Variants in C1orf185 observed in about 807,000 individuals in gnomAD.
C1orf185 encodes the protein uncharacterized protein C1orf185.
In C1orf185, 13 loss-of-function variants were observed where a neutral mutation model predicts 16.1. The ratio of observed to expected loss-of-function variants is 0.81; its 90% confidence interval spans 0.53 to 1.28. The LOEUF is 1.28. Among genes scored for constraint, C1orf185 ranks in the 50% most tolerant of loss-of-function variants. The pLI is 0.00. For missense variants in C1orf185, 220 were observed against 225.2 expected (o/e 0.98, Z 0.15); for synonymous variants, 80 against 76.9 (o/e 1.04, Z -0.21).
chr1:51,149,741 C>T (rs979848215), downstream of C1orf185, among the ~76,000 whole-genome samples: 1 of 152,060 alleles, frequency 6.6e-6, no homozygotes, highest in African/African-American at 2.4e-5. Flanking sequence ...CCAAAAACAC[C>T]AAATCTGCAG....
chr1:51,118,914 T>C (rs1646177954), intron 3 of C1orf185, 113 bp downstream of exon 3: 1 of 860,864 alleles, frequency 1.2e-6, no homozygotes, highest in South Asian at 4.0e-5. Flanking sequence ...ATTTTTTAAT[T>C]TGAGGGACAA....
chr1:51,121,608 T>C (rs897814764), intron 3 of C1orf185, among the ~76,000 whole-genome samples: 1 of 152,184 alleles, frequency 6.6e-6, no homozygotes, highest in Non-Finnish European at 1.5e-5. Flanking sequence ...CCTGTTTTTC[T>C]TATCTCAATT....
At chr1:51,124,753 G>A (rs542247750) in intron 3 of C1orf185, among the ~76,000 whole-genome samples, 4 of 152,314 alleles carry the variant, frequency 2.6e-5, no homozygotes, top group Admixed American at 2.0e-4. Context: ...CCATGACACT[G>A]GTGATAGTGT....
chr1:51,130,701 A>C (rs1177275444), intron 3 of C1orf185, among the ~76,000 whole-genome samples: 2 of 152,030 alleles, frequency 1.3e-5, no homozygotes, highest in African/African-American at 4.8e-5. Flanking sequence ...TGTAAGTGTG[A>C]GCATTTATTT....
chr1:51,107,923 G>C (rs901871696), intron 1 of C1orf185, among the ~76,000 whole-genome samples: 2 of 152,268 alleles, frequency 1.3e-5, no homozygotes. Flanking sequence ...TTTCCAATTT[G>C]TGGGCTATGT....
At chr1:51,125,961 C>T (rs552650397) in intron 3 of C1orf185, among the ~76,000 whole-genome samples, 1 of 152,208 alleles carries the variant, frequency 6.6e-6, no homozygotes, top group South Asian at 2.1e-4. Context: ...AGTTCAAGAC[C>T]AGCCTGGGCA....
chr1:51,113,311 G>A (rs2148012495), intron 2 of C1orf185, among the ~76,000 whole-genome samples: 1 of 152,020 alleles, frequency 6.6e-6, no homozygotes, highest in South Asian at 2.1e-4. Context: ...AACAGAAAAA[G>A]ATCATTTGAC....
At chr1:51,150,222 C>T (rs1483537903), downstream of C1orf185, among the ~76,000 whole-genome samples, 7 of 148,580 alleles carry the variant, frequency 4.7e-5, no homozygotes, top group African/African-American at 1.5e-4. Context: ...GACAGAGTCT[C>T]ACTCTGTCAC....
intron 3 of C1orf185, among the ~76,000 whole-genome samples, chr1:51,128,454 G>T (rs1041062061): frequency 5.3e-5 from 8 of 150,844 alleles, no homozygotes; most frequent in Non-Finnish European, 1.2e-4. Context: ...CACTTTGGGA[G>T]GCCAAGGTGG....
chr1:51,135,663 A>G (rs1171475015), intron 3 of C1orf185, among the ~76,000 whole-genome samples: 1 of 152,242 alleles, frequency 6.6e-6, no homozygotes, highest in African/African-American at 2.4e-5. Flanking sequence ...ACTTCAAAAT[A>G]ATAAGAGCCA....
At chr1:51,112,598 C>A in intron 2 of C1orf185, 29 bp downstream of exon 2, 1 of 1,475,144 alleles carries the variant, frequency 6.8e-7, no homozygotes, top group Non-Finnish European at 9.1e-7. Context: ...TTTCTTTAAC[C>A]TTTTTTTCTT....
chr1:51,112,882 C>T (rs969430946), intron 2 of C1orf185, among the ~76,000 whole-genome samples: 8 of 151,090 alleles, frequency 5.3e-5, no homozygotes, highest in South Asian at 2.1e-4. Flanking sequence ...TGCAGTGGCG[C>T]GATCTTGGCT....
intron 1 of C1orf185, among the ~76,000 whole-genome samples, chr1:51,102,703 C>T (rs1303006996): frequency 6.6e-6 from 1 of 151,798 alleles, no homozygotes; most frequent in Non-Finnish European, 1.5e-5. Context: ...TTAGTCTTTA[C>T]CAAGAATCAT....
chr1:51,125,318 ATCC>A (rs1309505036), intron 3 of C1orf185, among the ~76,000 whole-genome samples: 2 of 152,192 alleles, frequency 1.3e-5, no homozygotes, highest in African/African-American at 4.8e-5. Context: ...TAAGTCTGGT[ATCC>A]TCCTCTTAGG....
intron 1 of C1orf185, among the ~76,000 whole-genome samples, chr1:51,106,574 A>G (rs999657928): frequency 2.4e-4 from 36 of 152,214 alleles, no homozygotes; most frequent in African/African-American, 8.2e-4. Context: ...CTTGAGCCCC[A>G]GGAGCTCAAG....
At chr1:51,120,727 C>T (rs1021989972) in intron 3 of C1orf185, among the ~76,000 whole-genome samples, 23 of 152,168 alleles carry the variant, frequency 1.5e-4, no homozygotes, top group Admixed American at 1.3e-4. Flanking sequence ...TACCATCATA[C>T]TTAACGATGT....
chr1:51,121,265 C>A (rs1007089637), intron 3 of C1orf185, among the ~76,000 whole-genome samples: 4 of 152,084 alleles, frequency 2.6e-5, no homozygotes, highest in Admixed American at 6.6e-5. Context: ...TGTCACCCTG[C>A]CACCCCCAGC....
rs1300798897 is a variant in C1orf185 at position 51,145,752 on chromosome 1, A to T, written c.287A>T (p.His96Leu). The change falls in exon 4 of 5, where the codon CAT becomes CTT. Residue 96 changes from histidine (H) to leucine (L), a missense_variant. His to Leu is a moderately conservative substitution (Grantham distance 99, BLOSUM62 -3). Transcript: ENST00000371759. ...QEEQRKKEAA[H>L]IKAIKDHSKD... ...GAGCAAAGAAAAAAGGAAGCAGCAC[A>T]TATAAAAGGTATTTTTTCTCAATAA... 1.5e-6 allele frequency: 2 copies of T among 1,312,112 alleles called. No homozygotes were observed. Among genetic ancestry groups the T allele is most frequent in the Admixed American group, 5.3e-5 (2 of 37,688 alleles). The allele number at this position is 1,312,112 out of a possible 1,614,324, so 81.3% of individuals were successfully genotyped here. A position where few individuals can be genotyped will look rare whatever the true frequency, so the allele number is the denominator to read the frequency against.
chr1:51,112,386 T>C (rs1646127858), intron 1 of C1orf185, 78 bp from the exon 2 acceptor site: 2 of 1,167,798 alleles, frequency 1.7e-6, no homozygotes, highest in African/African-American at 1.6e-5. Flanking sequence ...TGCTATATCA[T>C]TTGAAGTTTA....
Sources: gnomAD v4.1 joint callset for allele counts (sites outside exome capture counted in the v4.1 genomes callset) on GRCh38, gnomAD v4.1.1 for gene constraint, MANE v1.5 for transcripts, NCBI Gene and HGNC (gene_info 2026-07-23, HGNC 2026-07-21) for gene names.